F13A1: variants seen among roughly 807,000 people sequenced by gnomAD.
F13A1 encodes the protein FSF, A subunit.
In F13A1, 47 loss-of-function variants were observed where a neutral mutation model predicts 80.1. The ratio of observed to expected loss-of-function variants is 0.59; its 90% CI spans 0.46 to 0.75. F13A1 has a LOEUF of 0.75. F13A1 is among the 30% of genes least tolerant of loss of function. The pLI is 0.00. For missense variants in F13A1, 817 were observed against 930.4 expected (o/e 0.88, Z 1.59); for synonymous variants, 349 against 344.9 (o/e 1.01, Z -0.13).
At chr6:6,252,937 T>A (rs1361208952) in intron 4 of F13A1, among the ~76,000 whole-genome samples, 1 of 151,978 alleles carries the variant, frequency 6.6e-6, no homozygotes, top group African/African-American at 2.4e-5. Context: ...GGCAGGTGGA[T>A]CACTTGAGGT....
At chr6:6,216,213 C>A (rs1005466364) in intron 8 of F13A1, among the ~76,000 whole-genome samples, 4 of 152,044 alleles carry the variant, frequency 2.6e-5, no homozygotes, top group Non-Finnish European at 5.9e-5. Flanking sequence ...GAGCCTGCAT[C>A]GCCAAGTCAA....
At chr6:6,208,458 GAA>G (rs1399803690) in intron 8 of F13A1, among the ~76,000 whole-genome samples, 1 of 152,122 alleles carries the variant, frequency 6.6e-6, no homozygotes, top group East Asian at 1.9e-4. Context: ...AGAAGAAGAG[GAA>G]AGAGAGCAAG....
chr6:6,207,089 GA>G (rs1224559962), intron 8 of F13A1, among the ~76,000 whole-genome samples: 2 of 151,882 alleles, frequency 1.3e-5, no homozygotes, highest in African/African-American at 4.8e-5. Flanking sequence ...TTTATTCAAG[GA>G]AAAAAACAAA....
chr6:6,161,955 G>A (rs1314550196), intron 13 of F13A1, among the ~76,000 whole-genome samples: 1 of 152,174 alleles, frequency 6.6e-6, no homozygotes, highest in African/African-American at 2.4e-5. Context: ...GATCTAAAGG[G>A]GAATCAGGTA....
intron 3 of F13A1, among the ~76,000 whole-genome samples, chr6:6,295,133 C>A (rs1445794770): frequency 1.4e-5 from 2 of 146,844 alleles, no homozygotes; most frequent in Non-Finnish European, 3.0e-5. Flanking sequence ...TTTTCTTAAT[C>A]CAGTCTATCA....
intron 13 of F13A1, among the ~76,000 whole-genome samples, chr6:6,152,649 G>A (rs1038332109): frequency 6.6e-6 from 1 of 152,146 alleles, no homozygotes; most frequent in African/African-American, 2.4e-5. Flanking sequence ...GGTGATTTAG[G>A]CTTTCTGAGA....
intron 6 of F13A1, among the ~76,000 whole-genome samples, chr6:6,229,651 G>A (rs1252885093): frequency 6.6e-6 from 1 of 152,186 alleles, no homozygotes; most frequent in Admixed American, 6.5e-5. Context: ...GGCTCGTGCT[G>A]TAAATTTTAG....
chr6:6,311,422 A>G (rs1002732676), intron 2 of F13A1, among the ~76,000 whole-genome samples: 1 of 151,940 alleles, frequency 6.6e-6, no homozygotes, highest in Non-Finnish European at 1.5e-5. Flanking sequence ...TTTGTTTCAC[A>G]TTGGAATAAA....
chr6:6,274,101 A>G (rs1208152343), intron 3 of F13A1, among the ~76,000 whole-genome samples: 1 of 152,198 alleles, frequency 6.6e-6, no homozygotes, highest in African/African-American at 2.4e-5. Context: ...GGCCATGTTT[A>G]TTCTAGCTCA....
intron 4 of F13A1, among the ~76,000 whole-genome samples, chr6:6,262,991 G>A (rs1274244123): frequency 1.6e-5 from 2 of 125,026 alleles, no homozygotes; most frequent in Non-Finnish European, 1.8e-5. Context: ...ATGCCTGCAT[G>A]GGGGACTGAA....
chr6:6,224,921 C>A (rs1312397859), intron 6 of F13A1, 61 bp from the exon 7 acceptor site: 10 of 1,575,288 alleles, frequency 6.3e-6, no homozygotes, highest in South Asian at 2.2e-5. Context: ...CTACTCCAGG[C>A]TATGCATGGC....
At chr6:6,252,434 A>G (rs1052402114) in intron 4 of F13A1, among the ~76,000 whole-genome samples, 5 of 152,204 alleles carry the variant, frequency 3.3e-5, no homozygotes, top group South Asian at 2.1e-4. Context: ...TACTGTATAT[A>G]TGTCTATTTT....
At chr6:6,253,397 T>A (rs1757661327) in intron 4 of F13A1, among the ~76,000 whole-genome samples, 1 of 152,188 alleles carries the variant, frequency 6.6e-6, no homozygotes, top group East Asian at 1.9e-4. Context: ...CAGAAGCAAG[T>A]AGGGGTCTAA....
In F13A1 at chr6:6,219,949, C is replaced by T. The variant is rs77652157; in HGVS notation, c.1112+2084G>A. 7.9e-3 allele frequency among the ~76,000 whole-genome samples: 1,198 copies of T among 152,274 alleles called. 17 individuals carry two copies. The highest frequency in any genetic ancestry group is 0.027 in the African/African-American group (1,122 of 41,556). Reference sequence around the variant, plus strand: ...ACGTTCATTAGGCACCTGTTATGCTCGGCTCTGTGATGAGTGAAGCAGGGA... The same window carrying T: ...ACGTTCATTAGGCACCTGTTATGCTTGGCTCTGTGATGAGTGAAGCAGGGA... On this transcript the variant is annotated intron_variant, in intron 8 of 14. Coordinates refer to ENST00000264870, the MANE Select transcript of F13A1 (RefSeq NM_000129.4).
intron 6 of F13A1, among the ~76,000 whole-genome samples, chr6:6,238,715 C>CATATAT (rs4053228): frequency 0.18 from 26,754 of 145,756 alleles, 2,924 homozygotes; most frequent in Non-Finnish European, 0.26. Context: ...AAACATGCTG[C>CATATAT]ATATATATAT....
At chr6:6,228,163 C>A (rs1018086465) in intron 6 of F13A1, among the ~76,000 whole-genome samples, 1 of 152,100 alleles carries the variant, frequency 6.6e-6, no homozygotes, top group East Asian at 1.9e-4. Flanking sequence ...CAATACAAGT[C>A]CAGGACTACG....
At chr6:6,150,957 C>T (rs1177222213) in intron 14 of F13A1, among the ~76,000 whole-genome samples, 2 of 152,120 alleles carry the variant, frequency 1.3e-5, no homozygotes, top group African/African-American at 4.8e-5. Flanking sequence ...CAGCTGTTTG[C>T]AAACATTTGC....
intron 10 of F13A1, among the ~76,000 whole-genome samples, chr6:6,190,042 A>G (rs2151079932): frequency 6.6e-6 from 1 of 151,976 alleles, no homozygotes; most frequent in East Asian, 1.9e-4. Context: ...TGCATTCTTC[A>G]CGTAGGTCTT....
chr6:6,226,772 T>C (rs533737040), intron 6 of F13A1, among the ~76,000 whole-genome samples: 5 of 152,306 alleles, frequency 3.3e-5, no homozygotes, highest in African/African-American at 1.2e-4. Flanking sequence ...GAAATGTATA[T>C]TTGAGTAAGA....
Sources: allele counts gnomAD v4.1 joint callset (sites outside exome capture counted in the v4.1 genomes callset), GRCh38; gene constraint gnomAD v4.1.1; transcripts MANE v1.5; gene names NCBI Gene and HGNC (gene_info 2026-07-23, HGNC 2026-07-21).